Variants in DGCR2 observed in about 807,000 individuals in gnomAD.
DGCR2 encodes the protein DiGeorge syndrome critical region gene 2, also known as integral membrane protein DGCR2/IDD.
DGCR2 carries 24 observed loss-of-function variants against 51.6 expected under a neutral mutation model. That is an observed-to-expected ratio of 0.47 (90% CI 0.34 to 0.65). DGCR2 has a LOEUF of 0.65. DGCR2 is among the 30% of genes least tolerant of loss of function. The pLI, the probability that DGCR2 is intolerant of heterozygous loss-of-function variation, is 0.01. For missense variants in DGCR2, 765 were observed against 772.1 expected (o/e 0.99, Z 0.11); for synonymous variants, 340 against 315.4 (o/e 1.08, Z -0.82).
rs200796020 is a variant in DGCR2, at chr22:19,089,387, G to A, written c.183C>T (p.Ser61=). 20 of 1,608,522 alleles carry A rather than the reference G, an allele frequency of 1.2e-5. No homozygotes were observed. Among genetic ancestry groups the A allele is most frequent in the East Asian group, 2.3e-5 (1 of 44,416 alleles). Residue 61 remains serine, a synonymous_variant, in exon 2 of 10, where the codon AGC becomes AGT. Transcript: ENST00000263196. The part of the protein sequence containing the change: ...CDGWATCEDE[S]DEANCPEVTG... ...ACTCACCTGGACAGTTGGCTTCGTC[G>A]CTCTCATCCTCGCAAGTCGCCCAGC...
Position 19,057,076 on chromosome 22 carries a change from A to G in DGCR2, c.712T>C (p.Cys238Arg). Residue 238 changes from cysteine (C) to arginine (R), a missense_variant, in exon 6 of 10, where the codon TGC becomes CGC. Cys to Arg is a radical substitution (Grantham distance 180, BLOSUM62 -3). This residue lies in a region of DGCR2 where 190 missense variants were observed against 265.2 expected (regional missense o/e 0.72). Transcript: ENST00000263196. The surrounding 1 kb of genome is among the most constrained non-coding windows in gnomAD (Gnocchi z 5.1). ...TGCCGCAGGGTGGGGAAATGGAAGC[A>G]CTGAAGCTGGGCACAGAACACGTTG... ...NDNVFCAQLQ[C>R]FHFPTLRHHD... 1 of 1,604,136 alleles carries G rather than the reference A, an allele frequency of 6.2e-7. No individual in the cohort carries two copies.
At position 19,112,536 on chromosome 22, in the gene DGCR2, G is replaced by T. The variant is rs543571151; in HGVS notation, c.79+9592C>A. ...AGCTCACCATAACCTCTGCTCACTGGGCTCAAACGATCCTCCCACCTCAGT... is the reference window on the plus strand; with the variant it reads ...AGCTCACCATAACCTCTGCTCACTGTGCTCAAACGATCCTCCCACCTCAGT... On this transcript the variant is annotated intron_variant, in intron 1 of 9. Coordinates refer to ENST00000263196, the MANE Select transcript of DGCR2 (RefSeq NM_005137.3). Among the ~76,000 whole-genome samples the T allele has an allele frequency of 1.2e-4, 17 of 143,380 alleles. 1 individual carries two copies. Among genetic ancestry groups the T allele is most frequent in the Admixed American group, 1.2e-3 (17 of 14,362 alleles). 94.1% of individuals were successfully genotyped at this position (143,380 alleles called of 152,430 possible). A position where few individuals can be genotyped will look rare whatever the true frequency, so the allele number is the denominator to read the frequency against.
At position 19,112,987 on chromosome 22, in the gene DGCR2, TG is replaced by T. The variant is rs369736191; in HGVS notation, c.79+9140del. Among the ~76,000 whole-genome samples, 75 of 144,324 alleles carry T rather than the reference TG, an allele frequency of 5.2e-4. 7 individuals carry two copies. The highest frequency in any genetic ancestry group is 1.8e-3 in the African/African-American group (71 of 39,370). The allele number at this position is 144,324 out of a possible 152,430, so 94.7% of individuals were successfully genotyped here. A position where few individuals can be genotyped will look rare whatever the true frequency, so the allele number is the denominator to read the frequency against. ...AAATGAGTAAACCTACTGATGCTGTTGGGAGCCAGGGTTCTCACTGTAGAAA... is the reference window on the plus strand; with the variant it reads ...AAATGAGTAAACCTACTGATGCTGTTGGAGCCAGGGTTCTCACTGTAGAAA... On this transcript the variant is annotated intron_variant, in intron 1 of 9. Transcript: ENST00000263196.
Position 19,041,486 on chromosome 22 carries a change from TCAC to T in DGCR2, c.1160-195_1160-193del, listed in dbSNP as rs2082431638. 5.7e-5 allele frequency: 35 copies of T among 618,788 alleles called. No homozygotes were observed. The South Asian group carries it at 6.0e-4, about 11-fold the overall frequency. The allele number at this position is 618,788 out of a possible 1,614,324, so 38.3% of individuals were successfully genotyped here. A position where few individuals can be genotyped will look rare whatever the true frequency, so the allele number is the denominator to read the frequency against. On this transcript the variant is annotated intron_variant, in intron 8 of 9. Transcript: ENST00000263196. Reference sequence around the variant, plus strand: ...GTGTGCTCCGTGGCATGTCTCACCCTCACCACACCAACCTGTCCCTCTGGGCTG... The same window carrying T: ...GTGTGCTCCGTGGCATGTCTCACCCTCACACCAACCTGTCCCTCTGGGCTG...
intron 6 of DGCR2, among the ~76,000 whole-genome samples, chr22:19,050,471 T>G (rs1364752403): frequency 6.6e-6 from 1 of 152,230 alleles, no homozygotes; most frequent in Non-Finnish European, 1.5e-5. Flanking sequence ...AGGAAGTTTT[T>G]CAGGCCAAAA....
intron 1 of DGCR2, 50 bp downstream of exon 1, chr22:19,122,078 C>G: frequency 2.2e-6 from 3 of 1,383,826 alleles, no homozygotes; most frequent in Non-Finnish European, 2.8e-6. Flanking sequence ...GGGGCGACCC[C>G]GGCCCCGCTC....
intron 5 of DGCR2, chr22:19,060,639 C>G (rs1198011652): frequency 4.1e-6 from 1 of 243,730 alleles, no homozygotes; most frequent in Non-Finnish European, 8.4e-6. Flanking sequence ...GGATGATTCT[C>G]CCTACACAAG....
At position 19,064,999 on chromosome 22, in the gene DGCR2, G is replaced by C. The variant is rs569473129; in HGVS notation, c.397C>G (p.Leu133Val). Residue 133 changes from leucine to valine, a missense_variant, in exon 4 of 10, where the codon CTG becomes GTG. Physicochemically the swap from Leu to Val is conservative, Grantham distance 32 (BLOSUM62 1). Transcript: ENST00000263196. ...EGTASCYRVY[L>V]SGENYWDAAQ... is the part of the protein sequence containing the mutation. ...GCATCCCAGTAGTTCTCCCCGCTCA[G>C]GTAGACCCGGTAGCAGCTGGCCGTG... 40 of 1,614,062 alleles carry C rather than the reference G, an allele frequency of 2.5e-5. No homozygotes were observed. In the South Asian group the frequency reaches 4.3e-4, roughly 17 times the overall value.
intron 1 of DGCR2, among the ~76,000 whole-genome samples, chr22:19,118,376 A>G (rs2083395338): frequency 1.0e-5 from 1 of 95,576 alleles, no homozygotes; most frequent in African/African-American, 3.7e-5. Context: ...ATCGCAAACA[A>G]AAAAAAAAAA....
intron 1 of DGCR2, among the ~76,000 whole-genome samples, chr22:19,112,183 G>T (rs1333943750): frequency 5.3e-5 from 8 of 150,722 alleles, no homozygotes; most frequent in African/African-American, 1.9e-4. Context: ...TGAGGCAGGA[G>T]AATCGCTTGA....
chr22:19,083,692 C>CCCCACT (rs2082968202), intron 2 of DGCR2, among the ~76,000 whole-genome samples: 1 of 80,234 alleles, frequency 1.2e-5, no homozygotes, highest in Admixed American at 1.3e-4. Context: ...CTCTCCCTCT[C>CCCCACT]CCCCCTCCCC....
intron 6 of DGCR2, among the ~76,000 whole-genome samples, chr22:19,052,731 T>G (rs2082562668): frequency 6.6e-6 from 1 of 151,602 alleles, no homozygotes; most frequent in African/African-American, 2.4e-5. Context: ...CAGTGAGCAG[T>G]GATCACACCA....
chr22:19,109,634 GGGTAGTTACTCAATA>G (rs2146047509), intron 1 of DGCR2, among the ~76,000 whole-genome samples: 1 of 152,264 alleles, frequency 6.6e-6, no homozygotes, highest in South Asian at 2.1e-4. Context: ...TAAAAGGGAG[GGGTAGTTACTCAATA>G]GGTACTGAGT....
At chr22:19,062,351 C>T (rs2082673218) in intron 5 of DGCR2, among the ~76,000 whole-genome samples, 2 of 152,140 alleles carry the variant, frequency 1.3e-5, no homozygotes, top group African/African-American at 2.4e-5. Context: ...GGCATGGCCC[C>T]GCCTCTGTGG....
intron 2 of DGCR2, among the ~76,000 whole-genome samples, chr22:19,074,945 T>C (rs1036687636): frequency 6.6e-6 from 1 of 152,184 alleles, no homozygotes; most frequent in Non-Finnish European, 1.5e-5. Flanking sequence ...AAGGAGGTAA[T>C]TTATACAGGC....
chr22:19,122,237 T>C lies in DGCR2; in HGVS notation c.-31A>G, dbSNP rs1339015219. Reference sequence around the variant, plus strand: ...CTCCGTTCATCGTCCCCGGGGCGGCTGGAAGGCCGGACCAGGCCGGACTGA... The same window carrying C: ...CTCCGTTCATCGTCCCCGGGGCGGCCGGAAGGCCGGACCAGGCCGGACTGA... On this transcript the variant is annotated 5_prime_UTR_variant, in exon 1 of 10. Transcript: ENST00000263196. 7.5e-6 allele frequency: 11 copies of C among 1,473,722 alleles called. No individual in the cohort carries two copies. In the Admixed American group the frequency reaches 2.3e-4, roughly 31 times the overall value. 91.3% of individuals were successfully genotyped at this position (1,473,722 alleles called of 1,614,324 possible).
Position 19,038,869 on chromosome 22 carries a change from A to G in DGCR2, c.1649T>C (p.Val550Ala). 6.2e-7 allele frequency: 1 copy of G among 1,612,772 alleles called. No individual in the cohort carries two copies. The highest frequency in any genetic ancestry group is 8.5e-7 in the Non-Finnish European group (1 of 1,179,788). The change falls in exon 10 of 10, where the codon GTG (valine) becomes GCG (alanine). Residue 550 changes from valine (V) to alanine (A), a missense_variant. Around this residue, in one of 3 missense-constraint regions of DGCR2, gnomAD observed 205 missense variants for 181.4 expected, o/e 1.13. Transcript: ENST00000263196. Reference sequence around the variant, plus strand: ...TTGGGGTACAGGCCAGGCCGTCTACACCACAGTATTGAGGGAGCTGCGGCT... The same window carrying G: ...TTGGGGTACAGGCCAGGCCGTCTACGCCACAGTATTGAGGGAGCTGCGGCT... ...RHSRSSLNTV[V>A] is the part of the protein sequence containing the mutation.
chr22:19,073,992 G>A (rs1365574955), intron 2 of DGCR2, among the ~76,000 whole-genome samples: 1 of 152,158 alleles, frequency 6.6e-6, no homozygotes, highest in Non-Finnish European at 1.5e-5. Flanking sequence ...TGGGAAAGGA[G>A]GGGCCAAAGA....
intron 6 of DGCR2, chr22:19,056,607 A>C: frequency 5.3e-6 from 2 of 375,724 alleles, no homozygotes; most frequent in Non-Finnish European, 9.7e-6. Context: ...AGAGAAGCAG[A>C]GAAGCAGAGA....
Sources: allele counts gnomAD v4.1 joint callset (sites outside exome capture counted in the v4.1 genomes callset), GRCh38; gene constraint gnomAD v4.1.1; regional missense constraint gnomAD v4.1.1; non-coding constraint Gnocchi (gnomAD v3.1); transcripts MANE v1.5; gene names NCBI Gene and HGNC (gene_info 2026-07-23, HGNC 2026-07-21).